The following GPC5 variants were observed in gnomAD, a reference collection of about 807,000 sequenced individuals.
GPC5 encodes the protein glypican-5.
A neutral mutation model predicts 53.9 loss-of-function variants in GPC5; 47 were observed. The ratio of observed to expected loss-of-function variants is 0.87; its 90% CI spans 0.69 to 1.11. The LOEUF (loss-of-function observed/expected upper bound fraction) is 1.11. GPC5 is among the 50% of genes most tolerant of loss of function. The pLI, the probability that GPC5 is intolerant of heterozygous loss-of-function variation, is 0.00. For synonymous variants in GPC5, 286 were observed against 263.3 expected (o/e 1.09, Z -0.84); for missense variants, 748 against 713.1 (o/e 1.05, Z -0.56).
chr13:92,079,464 A>C (rs1033162249), intron 6 of GPC5, among the ~76,000 whole-genome samples: 1 of 152,176 alleles, frequency 6.6e-6, no homozygotes, highest in African/African-American at 2.4e-5. Flanking sequence ...ATTTCTTTAC[A>C]TTAATTGAGT....
chr13:92,163,377 C>T (rs1189452892), intron 7 of GPC5, among the ~76,000 whole-genome samples: 1 of 149,616 alleles, frequency 6.7e-6, no homozygotes, highest in Non-Finnish European at 1.5e-5. Flanking sequence ...AGGAGAATAG[C>T]TTGAACCTGG....
chr13:91,502,018 G>A (rs1180015948), intron 2 of GPC5, among the ~76,000 whole-genome samples: 1 of 152,196 alleles, frequency 6.6e-6, no homozygotes, highest in Non-Finnish European at 1.5e-5. Flanking sequence ...ATTTTTTAAT[G>A]TGTCTTTTGG....
chr13:92,256,499 C>T lies in GPC5; in HGVS notation c.1561+111510C>T, dbSNP rs865985475. Among the ~76,000 whole-genome samples the T allele has an allele frequency of 4.6e-5, 7 of 151,964 alleles. No homozygotes were observed. In the South Asian group the frequency reaches 8.3e-4, roughly 18 times the overall value. On this transcript the variant is annotated intron_variant, in intron 7 of 7. Transcript: ENST00000377067. ...CAATATTTGGTTCTTTCTGCAACTA[C>T]GGATGAAATGAGTTCTATCATTTAC...
At chr13:91,524,567 A>G (rs1219354140) in intron 2 of GPC5, among the ~76,000 whole-genome samples, 1 of 152,130 alleles carries the variant, frequency 6.6e-6, no homozygotes, top group Non-Finnish European at 1.5e-5. Flanking sequence ...TATTCTGTTC[A>G]TATACTGATT....
intron 5 of GPC5, among the ~76,000 whole-genome samples, chr13:91,856,336 C>G (rs116711841): frequency 0.01 from 1,531 of 151,500 alleles, 33 homozygotes; most frequent in African/African-American, 0.035. Context: ...TGTGTAAAGG[C>G]CTAGGAGTGA....
At chr13:91,614,924 G>A (rs993207797) in intron 2 of GPC5, among the ~76,000 whole-genome samples, 6 of 152,132 alleles carry the variant, frequency 3.9e-5, no homozygotes, top group African/African-American at 1.4e-4. Context: ...TCTCTTTTCA[G>A]TGTCCATTTC....
chr13:91,861,882 A>C (rs1194967909), intron 5 of GPC5, among the ~76,000 whole-genome samples: 1 of 151,348 alleles, frequency 6.6e-6, no homozygotes, highest in Non-Finnish European at 1.5e-5. Flanking sequence ...ATAGTTAACT[A>C]ATCTAAATTT....
At chr13:92,864,369 C>A (rs1879277409) in intron 7 of GPC5, among the ~76,000 whole-genome samples, 1 of 152,150 alleles carries the variant, frequency 6.6e-6, no homozygotes, top group African/African-American at 2.4e-5. Context: ...GATTTAACAT[C>A]TTTCTACTTA....
intron 5 of GPC5, among the ~76,000 whole-genome samples, chr13:91,799,645 T>C (rs2038102613): frequency 6.6e-6 from 1 of 152,200 alleles, no homozygotes; most frequent in African/African-American, 2.4e-5. Context: ...TCTATATTAA[T>C]TGTGATACCT....
intron 6 of GPC5, among the ~76,000 whole-genome samples, chr13:91,964,315 C>T (rs1273046005): frequency 2.6e-5 from 4 of 152,152 alleles, no homozygotes; most frequent in African/African-American, 9.7e-5. Context: ...GGTGTGGGCT[C>T]CGTGGCCTGC....
chr13:91,549,128 G>A (rs1015202430), intron 2 of GPC5, among the ~76,000 whole-genome samples: 2 of 152,048 alleles, frequency 1.3e-5, no homozygotes, highest in Non-Finnish European at 2.9e-5. Flanking sequence ...AATTGGCTGG[G>A]TATGGTGGCA....
chr13:92,557,332 G>T (rs546041689), intron 7 of GPC5, among the ~76,000 whole-genome samples: 1 of 152,012 alleles, frequency 6.6e-6, no homozygotes, highest in Admixed American at 6.6e-5. Context: ...AAGCTACGTA[G>T]ATTCTTTAGT....
chr13:92,289,952 T>TTA (rs1274848566), intron 7 of GPC5, among the ~76,000 whole-genome samples: 2 of 152,180 alleles, frequency 1.3e-5, no homozygotes. Flanking sequence ...ATACCAAACC[T>TTA]TATATTCCTT....
At chr13:92,794,984 C>T (rs952410961) in intron 7 of GPC5, among the ~76,000 whole-genome samples, 5 of 151,988 alleles carry the variant, frequency 3.3e-5, no homozygotes, top group Non-Finnish European at 5.9e-5. Context: ...GATTCAATGC[C>T]GTTCCCATCA....
At chr13:91,962,861 T>C (rs1334353211) in intron 6 of GPC5, among the ~76,000 whole-genome samples, 1 of 152,222 alleles carries the variant, frequency 6.6e-6, no homozygotes, top group Non-Finnish European at 1.5e-5. Flanking sequence ...CAATTTAGCC[T>C]ACTGGTGTGT....
intron 2 of GPC5, among the ~76,000 whole-genome samples, chr13:91,600,430 C>T (rs10219887): frequency 3.3e-5 from 5 of 150,624 alleles, no homozygotes; most frequent in Non-Finnish European, 7.4e-5. Context: ...TGCAGTGAGC[C>T]GAGATTGTGC....
At chr13:91,462,580 T>C (rs1882000978) in intron 2 of GPC5, among the ~76,000 whole-genome samples, 1 of 152,132 alleles carries the variant, frequency 6.6e-6, no homozygotes, top group South Asian at 2.1e-4. Flanking sequence ...TGAAATATCG[T>C]TGCGTATCTG....
At chr13:91,477,765 T>C (rs1395914133) in intron 2 of GPC5, among the ~76,000 whole-genome samples, 1 of 152,142 alleles carries the variant, frequency 6.6e-6, no homozygotes, top group Non-Finnish European at 1.5e-5. Flanking sequence ...CGGGCAACCA[T>C]GTGAAATGAG....
chr13:91,997,622 G>A (rs548604943), intron 6 of GPC5, among the ~76,000 whole-genome samples: 17 of 152,198 alleles, frequency 1.1e-4, no homozygotes, highest in African/African-American at 3.6e-4. Context: ...AGGTTCCAGC[G>A]ATTCTCCTGC....
Sources: allele counts gnomAD v4.1 joint callset (sites outside exome capture counted in the v4.1 genomes callset), GRCh38; gene constraint gnomAD v4.1.1; transcripts MANE v1.5; gene names NCBI Gene and HGNC (gene_info 2026-07-23, HGNC 2026-07-21).